The following TBL1XR1 variants were observed in gnomAD, a reference collection of about 807,000 sequenced individuals.
The protein encoded by TBL1XR1 is F-box-like/WD repeat-containing protein TBL1XR1.
TBL1XR1 carries 5 observed loss-of-function variants against 66.9 expected under a neutral mutation model. That is an observed-to-expected ratio of 0.07 (90% CI 0.04 to 0.16). TBL1XR1 has a LOEUF of 0.16. TBL1XR1 is among the 10% of genes least tolerant of loss of function. The probability of loss-of-function intolerance (pLI) is 1.00; values close to 1 mark genes in which losing one functional copy is unlikely to be tolerated. For synonymous variants in TBL1XR1, 210 were observed against 206.0 expected (o/e 1.02, Z -0.17); for missense variants, 238 against 623.2 (o/e 0.38, Z 6.58).
At chr3:177,172,679 AGG>A (rs57285963) in intron 1 of TBL1XR1, among the ~76,000 whole-genome samples, 3,105 of 50,962 alleles carry the variant, frequency 0.061, 140 homozygotes, top group African/African-American at 0.18. Context: ...AGGGGAGGGG[AGG>A]GGAGAGGGGA....
chr3:177,146,977 TGATTCA>T (rs968432046), intron 1 of TBL1XR1, among the ~76,000 whole-genome samples: 26 of 152,266 alleles, frequency 1.7e-4, no homozygotes, highest in African/African-American at 4.1e-4. Context: ...ACCATTAAAA[TGATTCA>T]GATTCAGATC....
intron 12 of TBL1XR1, among the ~76,000 whole-genome samples, chr3:177,035,413 AT>A (rs71798306): frequency 1.1e-3 from 143 of 130,768 alleles, no homozygotes; most frequent in Middle Eastern, 3.9e-3. Flanking sequence ...CCCTGCCCCA[AT>A]TTTTTTTTTT....
chr3:177,106,156 A>G (rs188266942), intron 1 of TBL1XR1, among the ~76,000 whole-genome samples: 58 of 152,316 alleles, frequency 3.8e-4, no homozygotes, highest in South Asian at 2.9e-3. Context: ...ATAACAAAAA[A>G]AAGAAGAAAA....
In TBL1XR1 at chr3:177,044,315, C is replaced by G. The variant is rs114683455; in HGVS notation, c.925+1814G>C. ...ACCAACCCCCTGTGCAGTTGGAAATCTGCACATAGCTTTTGACTCCCCAAA... is the reference window on the plus strand; with the variant it reads ...ACCAACCCCCTGTGCAGTTGGAAATGTGCACATAGCTTTTGACTCCCCAAA... On this transcript the variant is annotated intron_variant, in intron 10 of 15. Transcript: ENST00000457928. Among the ~76,000 whole-genome samples the G allele has an allele frequency of 2.2e-3, 329 of 152,286 alleles. 1 individual carries two copies. Among genetic ancestry groups the G allele is most frequent in the African/African-American group, 7.6e-3 (315 of 41,554 alleles).
chr3:177,034,112 G>T, intron 13 of TBL1XR1, 86 bp downstream of exon 13: 49 of 1,295,662 alleles, frequency 3.8e-5, no homozygotes, highest in Non-Finnish European at 4.7e-5. Flanking sequence ...TCCACTTCAT[G>T]AAATCTTCCC....
intron 1 of TBL1XR1, among the ~76,000 whole-genome samples, chr3:177,186,841 T>G (rs1735472861): frequency 6.6e-6 from 1 of 152,104 alleles, no homozygotes; most frequent in East Asian, 1.9e-4. Context: ...ATCCCAGCAC[T>G]TTGGGAGCCT....
chr3:177,035,457 C>T (rs1193312538), intron 12 of TBL1XR1, among the ~76,000 whole-genome samples: 4 of 150,798 alleles, frequency 2.7e-5, no homozygotes, highest in African/African-American at 9.8e-5. Flanking sequence ...CTCTCTTGCC[C>T]AGGCTGGAGT....
chr3:177,186,045 G>A (rs1735366940), intron 1 of TBL1XR1, among the ~76,000 whole-genome samples: 1 of 151,930 alleles, frequency 6.6e-6, no homozygotes, highest in African/African-American at 2.4e-5. Flanking sequence ...GTAAATAAAG[G>A]AACACTTCAC....
At chr3:177,169,678 C>G (rs1173170629) in intron 1 of TBL1XR1, among the ~76,000 whole-genome samples, 1 of 152,232 alleles carries the variant, frequency 6.6e-6, no homozygotes, top group East Asian at 1.9e-4. Context: ...TGCACCCATA[C>G]CCATATAACT....
chr3:177,070,030 A>T (rs905578003), intron 2 of TBL1XR1, among the ~76,000 whole-genome samples: 21 of 152,306 alleles, frequency 1.4e-4, no homozygotes, highest in Middle Eastern at 6.8e-3. Flanking sequence ...ATGCTTTTTT[A>T]AAAAACAGAA....
At chr3:177,147,529 G>A (rs971450270) in intron 1 of TBL1XR1, among the ~76,000 whole-genome samples, 12 of 152,166 alleles carry the variant, frequency 7.9e-5, no homozygotes, top group Non-Finnish European at 1.8e-4. Flanking sequence ...TACTCTGAAA[G>A]GGTCTTGGGT....
chr3:177,064,818 A>G (rs1165057773), intron 3 of TBL1XR1, 102 bp downstream of exon 3: 11 of 790,548 alleles, frequency 1.4e-5, no homozygotes, highest in African/African-American at 1.9e-5. Flanking sequence ...GAAAACATAC[A>G]AAGTTCAACG....
intron 1 of TBL1XR1, chr3:177,193,995 G>A (rs1253180210): frequency 6.6e-6 from 1 of 152,212 alleles, no homozygotes; most frequent in Non-Finnish European, 1.5e-5. Flanking sequence ...ACCTCCTAGA[G>A]CATAGCCCGG....
At chr3:177,160,957 C>G (rs1030046514) in intron 1 of TBL1XR1, 3 of 150,762 alleles carry the variant, frequency 2.0e-5, no homozygotes, top group African/African-American at 7.3e-5. Context: ...GAACACGCCA[C>G]TGCACTCGAG....
chr3:177,064,297 C>T (rs1451460918), intron 3 of TBL1XR1, among the ~76,000 whole-genome samples: 6 of 152,198 alleles, frequency 3.9e-5, no homozygotes, highest in Non-Finnish European at 1.5e-5. Flanking sequence ...CCATACCCAA[C>T]CATGTTCCCT....
intron 2 of TBL1XR1, among the ~76,000 whole-genome samples, chr3:177,090,899 G>T (rs1577134619): frequency 6.6e-6 from 1 of 152,280 alleles, no homozygotes; most frequent in South Asian, 2.1e-4. Flanking sequence ...TGAGGTGGGA[G>T]AATCGATTGA....
At position 177,128,824 on chromosome 3, in the gene TBL1XR1, C is replaced by T. The variant is rs552502257; in HGVS notation, c.-121-30283G>A. Among the ~76,000 whole-genome samples the T allele has an allele frequency of 4.6e-5, 7 of 152,108 alleles. No homozygotes were observed. In the South Asian group the frequency reaches 6.2e-4, roughly 13 times the overall value. ...GTCATGAAATATCTCTGATAGAGTT[C>T]CTTTATTGTGAAGTTTTTGGCCAGT... is the stretch of plus-strand genomic sequence containing the variant. On this transcript the variant is annotated intron_variant, in intron 1 of 15. Coordinates refer to ENST00000457928, the MANE Select transcript of TBL1XR1 (RefSeq NM_024665.7).
At chr3:177,108,983 T>A (rs1725224475) in intron 1 of TBL1XR1, among the ~76,000 whole-genome samples, 1 of 152,180 alleles carries the variant, frequency 6.6e-6, no homozygotes, top group Non-Finnish European at 1.5e-5. Context: ...CATTTTAGCT[T>A]TTTGATGGGA....
rs561594517 is a variant in TBL1XR1 at position 177,151,758 on chromosome 3, G to A, written c.-122+45363C>T. Reference sequence around the variant, plus strand: ...AAGGATAAAAAGAATTTTCCCAGACGGGCACGGTGGCTCACACCTGTAATC... The same window carrying A: ...AAGGATAAAAAGAATTTTCCCAGACAGGCACGGTGGCTCACACCTGTAATC... On this transcript the variant is annotated intron_variant, in intron 1 of 15. Coordinates refer to ENST00000457928, the MANE Select transcript of TBL1XR1 (RefSeq NM_024665.7). Among the ~76,000 whole-genome samples, 69 of 152,234 alleles carry A rather than the reference G, an allele frequency of 4.5e-4. 1 individual carries two copies. Among genetic ancestry groups the A allele is most frequent in the Middle Eastern group, 6.8e-3 (2 of 294 alleles).
Sources: gnomAD v4.1 joint callset for allele counts (sites outside exome capture counted in the v4.1 genomes callset) on GRCh38, gnomAD v4.1.1 for gene constraint, MANE v1.5 for transcripts, NCBI Gene and HGNC (gene_info 2026-07-23, HGNC 2026-07-21) for gene names.